NXPH1: variants seen among roughly 807,000 people sequenced by gnomAD.
NXPH1 encodes neurexophilin-1.
In NXPH1, 5 loss-of-function variants were observed where a neutral mutation model predicts 23.7. That is an observed-to-expected ratio of 0.21 (90% CI 0.11 to 0.44). The LOEUF (loss-of-function observed/expected upper bound fraction) is 0.44. Ranked by LOEUF, NXPH1 falls within the 20% of genes least tolerant of loss-of-function variation. NXPH1 has a pLI of 0.99. For synonymous variants in NXPH1, 144 were observed against 122.2 expected, an observed-to-expected ratio of 1.18 and a Z score of -1.18; for missense variants, 324 against 321.6, an observed-to-expected ratio of 1.01 and a Z score of -0.06.
At chr7:8,588,820 G>C (rs1409859398) in intron 2 of NXPH1, among the ~76,000 whole-genome samples, 2 of 151,984 alleles carry the variant, frequency 1.3e-5, no homozygotes, top group African/African-American at 4.8e-5. Flanking sequence ...ACATGGACAG[G>C]GTGCTTAAAA....
Position 8,752,100 on chromosome 7 carries a change from A to G in NXPH1, c.*331A>G, listed in dbSNP as rs780313717. On this transcript the variant is annotated 3_prime_UTR_variant, in exon 3 of 3. Coordinates refer to ENST00000405863, the MANE Select transcript of NXPH1 (RefSeq NM_152745.3). ...TGAGAGGGCTTTCATTGTCTGACTC[A>G]TAATGGTTCAGGATCAACTATCATC... The G allele has an allele frequency of 3.5e-5, 8 of 231,678 alleles. No individual in the cohort carries two copies. The highest frequency in any genetic ancestry group is 6.9e-5 in the Non-Finnish European group (8 of 116,100). 14.4% of individuals were successfully genotyped at this position (231,678 alleles called of 1,614,324 possible).
At chr7:8,685,990 A>G (rs963473408) in intron 2 of NXPH1, among the ~76,000 whole-genome samples, 2 of 152,162 alleles carry the variant, frequency 1.3e-5, no homozygotes, top group Admixed American at 1.3e-4. Context: ...TGATGTGTTT[A>G]TTCCACGTTG....
At chr7:8,714,563 C>T (rs1207442904) in intron 2 of NXPH1, among the ~76,000 whole-genome samples, 2 of 151,922 alleles carry the variant, frequency 1.3e-5, no homozygotes, top group East Asian at 3.9e-4. Flanking sequence ...ATGAAGCCAG[C>T]ATATATCTGT....
At chr7:8,619,495 G>A (rs1156606240) in intron 2 of NXPH1, among the ~76,000 whole-genome samples, 1 of 152,014 alleles carries the variant, frequency 6.6e-6, no homozygotes, top group South Asian at 2.1e-4. Context: ...TAAAGTAATG[G>A]GATCAATAAT....
intron 2 of NXPH1, among the ~76,000 whole-genome samples, chr7:8,679,748 C>A (rs57870426): frequency 2.6e-5 from 4 of 152,212 alleles, no homozygotes; most frequent in African/African-American, 9.7e-5. Flanking sequence ...CTAGGCTGGG[C>A]GCAGTGGCTC....
intron 2 of NXPH1, among the ~76,000 whole-genome samples, chr7:8,602,264 A>C (rs1302184393): frequency 6.6e-6 from 1 of 152,184 alleles, no homozygotes; most frequent in Admixed American, 6.6e-5. Context: ...AATGTGTTCC[A>C]AATTTTTCTT....
At chr7:8,519,253 T>C in intron 2 of NXPH1, among the ~76,000 whole-genome samples, 1 of 152,178 alleles carries the variant, frequency 6.6e-6, no homozygotes, top group East Asian at 1.9e-4. Flanking sequence ...AGGTATTACA[T>C]TTACTCAAAA....
intron 2 of NXPH1, among the ~76,000 whole-genome samples, chr7:8,744,006 G>A (rs1280332086): frequency 3.3e-5 from 5 of 152,132 alleles, no homozygotes; most frequent in Admixed American, 1.3e-4. Context: ...CTCTTCATGT[G>A]CTCACACTTC....
At chr7:8,498,208 A>G (rs1817371294) in intron 2 of NXPH1, among the ~76,000 whole-genome samples, 1 of 152,070 alleles carries the variant, frequency 6.6e-6, no homozygotes, top group Non-Finnish European at 1.5e-5. Flanking sequence ...TTGAAAGGAT[A>G]TCCCTGGGGT....
intron 2 of NXPH1, among the ~76,000 whole-genome samples, chr7:8,668,839 G>A (rs1398795097): frequency 6.6e-6 from 1 of 152,052 alleles, no homozygotes; most frequent in African/African-American, 2.4e-5. Flanking sequence ...GGTTCATGAG[G>A]GCTACCCTAG....
intron 2 of NXPH1, among the ~76,000 whole-genome samples, chr7:8,463,014 C>T (rs1024884182): frequency 1.3e-5 from 2 of 152,164 alleles, no homozygotes; most frequent in African/African-American, 4.8e-5. Context: ...ACATAGATTC[C>T]TTTCTCTTTT....
chr7:8,483,982 T>A (rs1584186460), intron 2 of NXPH1, among the ~76,000 whole-genome samples: 2 of 151,408 alleles, frequency 1.3e-5, no homozygotes, highest in South Asian at 2.1e-4. Flanking sequence ...TTTTTTTTTT[T>A]AAGAAGTAGA....
In NXPH1 at chr7:8,634,331, C is replaced by A. The variant is rs146184810; in HGVS notation, c.55-116677C>A. Among the ~76,000 whole-genome samples, 778 of 152,244 alleles carry A rather than the reference C, an allele frequency of 5.1e-3. 1 individual carries two copies. The highest frequency in any genetic ancestry group is 8.1e-3 in the Non-Finnish European group (548 of 68,008). On this transcript the variant is annotated intron_variant, in intron 2 of 2. Transcript: ENST00000405863. ...TGCAGCCATGTAAGAGGTGCCTATG[C>A]TCCTCCTTCACCTTCCACCATGATT... is the stretch of plus-strand genomic sequence containing the variant.
rs1226988151 is a variant in NXPH1 at position 8,498,653 on chromosome 7, C to T, written c.54+62886C>T. 5.3e-5 allele frequency among the ~76,000 whole-genome samples: 8 copies of T among 151,988 alleles called. No homozygotes were observed. In the East Asian group the frequency reaches 1.6e-3, roughly 30 times the overall value. ...TTTCAGTTCTATTGGGAAATTATAG[C>T]ATGATGGGTTTATAGATACTGATAA... On this transcript the variant is annotated intron_variant, in intron 2 of 2. Coordinates refer to ENST00000405863, the MANE Select transcript of NXPH1 (RefSeq NM_152745.3).
At chr7:8,499,204 T>A (rs141296572) in intron 2 of NXPH1, among the ~76,000 whole-genome samples, 1 of 152,066 alleles carries the variant, frequency 6.6e-6, no homozygotes, top group Non-Finnish European at 1.5e-5. Context: ...GAAAGTACTT[T>A]AAAGTCTCTT....
At chr7:8,642,186 C>A (rs1306877380) in intron 2 of NXPH1, among the ~76,000 whole-genome samples, 1 of 152,158 alleles carries the variant, frequency 6.6e-6, no homozygotes, top group Non-Finnish European at 1.5e-5. Context: ...GGGTACTTTG[C>A]AGGACTGAAA....
chr7:8,628,609 G>A (rs546473513), intron 2 of NXPH1, among the ~76,000 whole-genome samples: 1 of 151,696 alleles, frequency 6.6e-6, no homozygotes, highest in South Asian at 2.1e-4. Flanking sequence ...AGAACTGGGG[G>A]GTATGAAAGA....
chr7:8,508,422 T>C (rs933467064), intron 2 of NXPH1, among the ~76,000 whole-genome samples: 1 of 152,098 alleles, frequency 6.6e-6, no homozygotes, highest in Non-Finnish European at 1.5e-5. Flanking sequence ...ATGAAGCAAA[T>C]ATCTGTCGCA....
chr7:8,494,138 C>G (rs574091818), intron 2 of NXPH1, among the ~76,000 whole-genome samples: 2 of 151,826 alleles, frequency 1.3e-5, no homozygotes, highest in Non-Finnish European at 2.9e-5. Flanking sequence ...ACTTGTCACA[C>G]TCTGTTTTCT....
Sources: allele counts gnomAD v4.1 joint callset (sites outside exome capture counted in the v4.1 genomes callset), GRCh38; gene constraint gnomAD v4.1.1; transcripts MANE v1.5; gene names NCBI Gene and HGNC (gene_info 2026-07-23, HGNC 2026-07-21).